PTPRK: variants seen among roughly 807,000 people sequenced by gnomAD.
PTPRK encodes receptor-type tyrosine-protein phosphatase kappa.
Under a neutral mutation model 178.0 loss-of-function variants are expected in PTPRK, and 75 were observed. The observed-to-expected ratio is 0.42, with a 90% confidence interval of 0.35 to 0.51. The LOEUF (loss-of-function observed/expected upper bound fraction) is 0.51. Ranked by LOEUF, PTPRK falls within the 20% of genes least tolerant of loss-of-function variation. The probability of loss-of-function intolerance (pLI) is 0.02; values close to 1 mark genes in which losing one functional copy is unlikely to be tolerated. For missense variants in PTPRK, 1,441 were observed against 1,797.8 expected (o/e 0.80, Z 3.59); for synonymous variants, 637 against 620.6 (o/e 1.03, Z -0.39).
intron 2 of PTPRK, among the ~76,000 whole-genome samples, chr6:128,377,042 T>C (rs1176346763): frequency 1.3e-5 from 2 of 152,194 alleles, no homozygotes; most frequent in Non-Finnish European, 2.9e-5. Context: ...TTTTCCTGTC[T>C]TCTTCTGATC....
intron 2 of PTPRK, among the ~76,000 whole-genome samples, chr6:128,326,851 G>T (rs1361281654): frequency 2.0e-5 from 3 of 151,922 alleles, no homozygotes; most frequent in Non-Finnish European, 2.9e-5. Flanking sequence ...TTAAAACAGA[G>T]ACTACATGAA....
chr6:128,111,428 TA>T (rs1790640335), intron 7 of PTPRK, among the ~76,000 whole-genome samples: 2 of 152,212 alleles, frequency 1.3e-5, no homozygotes, highest in Admixed American at 6.6e-5. Flanking sequence ...TTAGAGGAAA[TA>T]AAGAATAAGA....
intron 13 of PTPRK, among the ~76,000 whole-genome samples, chr6:128,025,050 T>C (rs1205744857): frequency 6.6e-6 from 1 of 152,234 alleles, no homozygotes; most frequent in Non-Finnish European, 1.5e-5. Context: ...GTCTTTGACA[T>C]ATGTGGAATA....
chr6:128,297,804 C>T (rs1824763970), intron 3 of PTPRK, among the ~76,000 whole-genome samples: 1 of 152,064 alleles, frequency 6.6e-6, no homozygotes, highest in Non-Finnish European at 1.5e-5. Context: ...CCTAACATCA[C>T]AATTAAAAGA....
At chr6:128,036,332 C>A (rs117047876) in intron 13 of PTPRK, among the ~76,000 whole-genome samples, 2 of 152,048 alleles carry the variant, frequency 1.3e-5, no homozygotes, top group Non-Finnish European at 2.9e-5. Flanking sequence ...TATGGATAAC[C>A]AAATTGTAAG....
At chr6:128,487,634 G>T (rs189626432) in intron 1 of PTPRK, among the ~76,000 whole-genome samples, 1 of 152,136 alleles carries the variant, frequency 6.6e-6, no homozygotes, top group East Asian at 1.9e-4. Context: ...GAACAGACAG[G>T]TGTTCACAAA....
At chr6:128,273,777 A>G (rs939168531) in intron 3 of PTPRK, among the ~76,000 whole-genome samples, 2 of 152,214 alleles carry the variant, frequency 1.3e-5, no homozygotes, top group African/African-American at 4.8e-5. Context: ...ATGGAAAATT[A>G]GTCAGTGCAT....
At chr6:128,054,345 G>C (rs1236527089) in intron 13 of PTPRK, among the ~76,000 whole-genome samples, 1 of 152,014 alleles carries the variant, frequency 6.6e-6, no homozygotes, top group East Asian at 1.9e-4. Context: ...TCCACCATAA[G>C]CAATTATGAG....
At chr6:128,219,359 G>T (rs751290056) in intron 5 of PTPRK, among the ~76,000 whole-genome samples, 10 of 152,192 alleles carry the variant, frequency 6.6e-5, no homozygotes, top group African/African-American at 1.2e-4. Flanking sequence ...GGATGAAACT[G>T]TTCCACCTCA....
intron 7 of PTPRK, among the ~76,000 whole-genome samples, chr6:128,125,427 C>G (rs1793176526): frequency 6.6e-6 from 1 of 152,012 alleles, no homozygotes; most frequent in African/African-American, 2.4e-5. Flanking sequence ...CTTTTGCCTT[C>G]TGCCATGATT....
At chr6:128,243,484 T>G (rs924477475) in intron 3 of PTPRK, among the ~76,000 whole-genome samples, 1 of 103,632 alleles carries the variant, frequency 9.6e-6, no homozygotes, top group African/African-American at 4.5e-5. Flanking sequence ...TGAGAGCCTG[T>G]CGCTAAAAAA....
chr6:128,089,550 T>C (rs112152821), intron 8 of PTPRK, 140 bp downstream of exon 8: 30,121 of 933,206 alleles, frequency 0.032, 624 homozygotes, highest in Middle Eastern at 0.068. Flanking sequence ...GCAATTTTTT[T>C]CCAAAGTTAA....
chr6:128,513,321 C>T (rs1304908316), intron 1 of PTPRK, among the ~76,000 whole-genome samples: 2 of 151,676 alleles, frequency 1.3e-5, no homozygotes, highest in Non-Finnish European at 2.9e-5. Context: ...CCCATCTTGA[C>T]TAAAAATACA....
At chr6:128,348,509 G>A (rs965735177) in intron 2 of PTPRK, among the ~76,000 whole-genome samples, 7 of 149,974 alleles carry the variant, frequency 4.7e-5, no homozygotes, top group African/African-American at 1.7e-4. Context: ...TATGTTTATT[G>A]TATTTTATTC....
chr6:128,189,557 A>G (rs1803398394), intron 6 of PTPRK, among the ~76,000 whole-genome samples: 2 of 151,810 alleles, frequency 1.3e-5, no homozygotes, highest in African/African-American at 2.4e-5. Flanking sequence ...TCTTTTTACT[A>G]TTTTTTGTAA....
rs775535889 is a variant in PTPRK, at chr6:127,983,368, A to G, written c.3261T>C (p.Ala1087=). 68 of 1,612,744 alleles carry G rather than the reference A, an allele frequency of 4.2e-5. No individual in the cohort carries two copies. Among genetic ancestry groups the G allele is most frequent in the Non-Finnish European group, 5.7e-5 (67 of 1,179,520 alleles). ...TCACAATGTAGCAGCCAGTTCGTCCAGCACCAGCACTGAAAAACAATTAAA... is the reference window on the plus strand; with the variant it reads ...TCACAATGTAGCAGCCAGTTCGTCCGGCACCAGCACTGAAAAACAATTAAA... ...GPIVVHCSAG[A]GRTGCYIVID... Residue 1087 remains alanine, a synonymous_variant, in exon 23 of 30, where the codon GCT becomes GCC. Transcript: ENST00000368226.
chr6:128,506,062 T>G lies in PTPRK; in HGVS notation c.100+14197A>C, dbSNP rs191171973. ...AAACACGTTCTAAAAGCCAGTGCATTTGTTTAGCATATGTGTCAAATGCAA... is the reference window on the plus strand; with the variant it reads ...AAACACGTTCTAAAAGCCAGTGCATGTGTTTAGCATATGTGTCAAATGCAA... On this transcript the variant is annotated intron_variant, in intron 1 of 29. Coordinates refer to ENST00000368226, the MANE Select transcript of PTPRK (RefSeq NM_002844.4). Among the ~76,000 whole-genome samples, 200 of 152,382 alleles carry G rather than the reference T, an allele frequency of 1.3e-3. 2 individuals are homozygous for G. Among genetic ancestry groups the G allele is most frequent in the Admixed American group, 3.1e-3 (48 of 15,306 alleles).
At chr6:128,077,060 C>T (rs1387737349) in intron 11 of PTPRK, among the ~76,000 whole-genome samples, 3 of 152,026 alleles carry the variant, frequency 2.0e-5, no homozygotes, top group African/African-American at 7.2e-5. Flanking sequence ...GTGTTTGCAA[C>T]TTACGTAAAA....
chr6:128,012,852 T>G (rs1311835847), intron 13 of PTPRK, among the ~76,000 whole-genome samples: 1 of 151,426 alleles, frequency 6.6e-6, no homozygotes, highest in Non-Finnish European at 1.5e-5. Context: ...TTAAGTAATC[T>G]TATGGTGTCT....
Sources: gnomAD v4.1 joint callset for allele counts (sites outside exome capture counted in the v4.1 genomes callset) on GRCh38, gnomAD v4.1.1 for gene constraint, MANE v1.5 for transcripts, NCBI Gene and HGNC (gene_info 2026-07-23, HGNC 2026-07-21) for gene names.